The following SLC4A4 variants were observed in gnomAD, a reference collection of about 807,000 sequenced individuals.
SLC4A4 encodes solute carrier family 4 member 4.
Under a neutral mutation model 111.5 loss-of-function variants are expected in SLC4A4, and 27 were observed. That is an observed-to-expected ratio of 0.24 (90% CI 0.18 to 0.33). The LOEUF is 0.33. Ranked by LOEUF, SLC4A4 falls within the 10% of genes least tolerant of loss-of-function variation. The probability of loss-of-function intolerance (pLI) is 1.00; values close to 1 mark genes in which losing one functional copy is unlikely to be tolerated. For synonymous variants in SLC4A4, 443 were observed against 463.4 expected, an observed-to-expected ratio of 0.96 and a Z score of 0.57; for missense variants, 909 against 1,315.5, an observed-to-expected ratio of 0.69 and a Z score of 4.78.
At chr4:71,179,945 C>G (rs1433841961) in intron 2 of SLC4A4, among the ~76,000 whole-genome samples, 9 of 152,186 alleles carry the variant, frequency 5.9e-5, no homozygotes, top group Admixed American at 1.3e-4. Flanking sequence ...TACCTGACTT[C>G]AAACTATACT....
chr4:71,430,122 T>A (rs888775835), intron 7 of SLC4A4, among the ~76,000 whole-genome samples: 1 of 152,154 alleles, frequency 6.6e-6, no homozygotes, highest in Non-Finnish European at 1.5e-5. Flanking sequence ...GAGAAGAACC[T>A]TTTTTGAACT....
At chr4:71,376,156 T>TACACACACACACAC (rs146405766) in intron 6 of SLC4A4, among the ~76,000 whole-genome samples, 14 of 135,552 alleles carry the variant, frequency 1.0e-4, no homozygotes, top group South Asian at 7.4e-4. Flanking sequence ...CCTGTATATA[T>TACACACACACACAC]ACACACACAC....
At chr4:71,172,230 A>G (rs1361384451) in intron 2 of SLC4A4, among the ~76,000 whole-genome samples, 1 of 151,812 alleles carries the variant, frequency 6.6e-6, no homozygotes, top group African/African-American at 2.4e-5. Context: ...ACCATTACAT[A>G]TTCTAGCATA....
At chr4:71,518,780 G>A (rs1350862159) in intron 16 of SLC4A4, among the ~76,000 whole-genome samples, 2 of 152,180 alleles carry the variant, frequency 1.3e-5, no homozygotes, top group African/African-American at 4.8e-5. Context: ...AGTCCCCAGA[G>A]CAGGCCAGGA....
chr4:71,506,048 A>G (rs1731389960), intron 16 of SLC4A4, among the ~76,000 whole-genome samples: 1 of 152,016 alleles, frequency 6.6e-6, no homozygotes, highest in Non-Finnish European at 1.5e-5. Context: ...CCATTGGTCT[A>G]TGTGTCTGTT....
chr4:71,334,127 C>G (rs925645078), intron 3 of SLC4A4, among the ~76,000 whole-genome samples: 1 of 152,100 alleles, frequency 6.6e-6, no homozygotes, highest in Admixed American at 6.5e-5. Context: ...TGGGTCACAC[C>G]TGAAGCCAGC....
chr4:71,419,571 T>A (rs1033860912), intron 7 of SLC4A4, among the ~76,000 whole-genome samples: 1 of 152,132 alleles, frequency 6.6e-6, no homozygotes, highest in African/African-American at 2.4e-5. Flanking sequence ...TGAGTGGGAG[T>A]GACCCGATTT....
At chr4:71,540,356 T>G (rs1270669762) in intron 18 of SLC4A4, among the ~76,000 whole-genome samples, 1 of 152,192 alleles carries the variant, frequency 6.6e-6, no homozygotes, top group Non-Finnish European at 1.5e-5. Context: ...TTCTGTGGAT[T>G]TATTCCTAAA....
intron 2 of SLC4A4, among the ~76,000 whole-genome samples, chr4:71,164,329 C>T (rs959384873): frequency 2.1e-4 from 31 of 148,736 alleles, no homozygotes; most frequent in South Asian, 8.5e-4. Context: ...TGTAGGGAGC[C>T]GAGATCGTGC....
At chr4:71,142,395 C>T (rs930898285) in intron 2 of SLC4A4, among the ~76,000 whole-genome samples, 12 of 152,148 alleles carry the variant, frequency 7.9e-5, no homozygotes, top group African/African-American at 2.7e-4. Flanking sequence ...CTTTCTGGGA[C>T]CTTATAGGGC....
At chr4:71,484,984 G>A (rs1240536693) in intron 14 of SLC4A4, among the ~76,000 whole-genome samples, 2 of 151,632 alleles carry the variant, frequency 1.3e-5, no homozygotes, top group Non-Finnish European at 1.5e-5. Context: ...TTGCACATTG[G>A]TTTTGTATCC....
At chr4:71,504,667 G>C (rs529472474) in intron 16 of SLC4A4, among the ~76,000 whole-genome samples, 22 of 52,260 alleles carry the variant, frequency 4.2e-4, no homozygotes, top group South Asian at 3.8e-3. Flanking sequence ...GTTTCATGGG[G>C]GGGGGGGTGT....
intron 3 of SLC4A4, 22 bp downstream of exon 3, chr4:71,255,421 G>T: frequency 6.2e-7 from 1 of 1,611,964 alleles, no homozygotes; most frequent in Non-Finnish European, 8.5e-7. Context: ...CTGAGCGTTG[G>T]TGCCTCTCTC....
chr4:71,274,433 T>C (rs968087855), intron 3 of SLC4A4, among the ~76,000 whole-genome samples: 2 of 152,166 alleles, frequency 1.3e-5, no homozygotes, highest in Non-Finnish European at 2.9e-5. Flanking sequence ...TTAAAAATGG[T>C]ATAAACTAGG....
chr4:71,535,842 G>C (rs1342405383), intron 18 of SLC4A4, among the ~76,000 whole-genome samples: 1 of 114,190 alleles, frequency 8.8e-6, no homozygotes, highest in African/African-American at 3.3e-5. Flanking sequence ...ATCTAACATG[G>C]AGAGTAAAAC....
chr4:71,486,803 A>G, intron 14 of SLC4A4, 145 bp from the exon 15 acceptor site: 1 of 544,580 alleles, frequency 1.8e-6, no homozygotes, highest in East Asian at 3.2e-5. Flanking sequence ...ACACATTTAT[A>G]ATAAATAAAA....
chr4:71,458,599 A>C lies in SLC4A4; in HGVS notation c.1497+4930A>C, dbSNP rs557224998. 5.9e-5 allele frequency among the ~76,000 whole-genome samples: 9 copies of C among 152,232 alleles called. No individual in the cohort carries two copies. In the South Asian group the frequency reaches 6.2e-4, roughly 11 times the overall value. On this transcript the variant is annotated intron_variant, in intron 12 of 25. Coordinates refer to ENST00000264485, the MANE Select transcript of SLC4A4 (RefSeq NM_001098484.3). ...CACATTTTAAGGGAACTTGTCTCAT[A>C]ATAAGGAACATTTATAGTTGCCATC...
rs144125518 is a variant in SLC4A4 at position 71,411,047 on chromosome 4, G to A, written c.807+13394G>A. On this transcript the variant is annotated intron_variant, in intron 7 of 25. Coordinates refer to ENST00000264485, the MANE Select transcript of SLC4A4 (RefSeq NM_001098484.3). ...AGAGTGTACAGAAAGTGTCACTCGT[G>A]GCTTATAACCATTCGATGACTACCT... Among the ~76,000 whole-genome samples, 34 of 152,224 alleles carry A rather than the reference G, an allele frequency of 2.2e-4. No individual in the cohort carries two copies. In the East Asian group the frequency reaches 4.2e-3, roughly 19 times the overall value.
intron 3 of SLC4A4, among the ~76,000 whole-genome samples, chr4:71,299,753 C>T (rs1560390004): frequency 6.6e-6 from 1 of 152,066 alleles, no homozygotes; most frequent in African/African-American, 2.4e-5. Flanking sequence ...TTGTATAATC[C>T]GTGGCAGTTG....
Sources: allele counts gnomAD v4.1 joint callset (sites outside exome capture counted in the v4.1 genomes callset), GRCh38; gene constraint gnomAD v4.1.1; transcripts MANE v1.5; gene names NCBI Gene and HGNC (gene_info 2026-07-23, HGNC 2026-07-21).